DZIP3: variants seen among roughly 807,000 people sequenced by gnomAD.
DZIP3 encodes the protein DAZ interacting zinc finger protein 3, also known as E3 ubiquitin-protein ligase DZIP3.
In DZIP3, 118 loss-of-function variants were observed where a neutral mutation model predicts 162.0. That is an observed-to-expected ratio of 0.73 (90% CI 0.63 to 0.85). DZIP3 has a LOEUF of 0.85. Among genes scored for constraint, DZIP3 ranks in the 40% least tolerant of loss-of-function variants. The probability of loss-of-function intolerance (pLI) is 0.00; values close to 1 mark genes in which losing one functional copy is unlikely to be tolerated. For synonymous variants in DZIP3, 438 were observed against 458.6 expected (o/e 0.96, Z 0.57); for missense variants, 1,331 against 1,407.0 (o/e 0.95, Z 0.86).
intron 18 of DZIP3, among the ~76,000 whole-genome samples, chr3:108,653,255 G>A (rs1942943451): frequency 6.6e-6 from 1 of 151,328 alleles, no homozygotes; most frequent in Non-Finnish European, 1.5e-5. Flanking sequence ...TATTCCACAA[G>A]CATTAATTTC....
chr3:108,679,155 T>G (rs1944214821), intron 26 of DZIP3, among the ~76,000 whole-genome samples: 6 of 152,136 alleles, frequency 3.9e-5, no homozygotes, highest in Admixed American at 3.9e-4. Flanking sequence ...TCTGCCCACA[T>G]TCAAAATACT....
rs183825857 is a variant in DZIP3, at chr3:108,665,736, A to T, written c.2423+3479A>T. Among the ~76,000 whole-genome samples, 26 of 152,318 alleles carry T rather than the reference A, an allele frequency of 1.7e-4. No individual in the cohort carries two copies. In the East Asian group the frequency reaches 4.8e-3, roughly 28 times the overall value. ...CAGGCAGAGAAAAACATTACTTATG[A>T]GAACAGTAATTTGAATGACAACAGA... On this transcript the variant is annotated intron_variant, in intron 21 of 32. Coordinates refer to ENST00000361582, the MANE Select transcript of DZIP3 (RefSeq NM_014648.4).
chr3:108,690,798 A>G lies in DZIP3; in HGVS notation c.3528A>G (p.Pro1176=), dbSNP rs757069206. 9.3e-6 allele frequency: 15 copies of G among 1,613,908 alleles called. No individual in the cohort carries two copies. The highest frequency in any genetic ancestry group is 1.7e-5 in the Admixed American group (1 of 60,000). The change falls in exon 32 of 33, where the codon CCA becomes CCG. Residue 1176 remains proline, a synonymous_variant. Transcript: ENST00000361582. ...AHKFHAQCIR[P]WLMQQGTCPT... is the part of the protein sequence containing the mutation. Reference sequence around the variant, plus strand: ...TTTTTGCTCCTTAGTGCATTAGACCATGGTTGATGCAACAGGGGACATGTC... The same window carrying G: ...TTTTTGCTCCTTAGTGCATTAGACCGTGGTTGATGCAACAGGGGACATGTC...
intron 11 of DZIP3, among the ~76,000 whole-genome samples, chr3:108,637,210 A>T (rs561606468): frequency 6.6e-6 from 1 of 152,160 alleles, no homozygotes; most frequent in East Asian, 1.9e-4. Context: ...TTATGACTAG[A>T]AATGTATCTT....
At chr3:108,654,394 A>T (rs530598822) in intron 19 of DZIP3, 84 bp downstream of exon 19, 30 of 1,447,768 alleles carry the variant, frequency 2.1e-5, no homozygotes, top group South Asian at 4.6e-5. Context: ...TCACCCTTTG[A>T]AAAGCCCAGT....
chr3:108,673,314 T>C (rs2107357198), intron 23 of DZIP3, among the ~76,000 whole-genome samples: 1 of 152,072 alleles, frequency 6.6e-6, no homozygotes, highest in South Asian at 2.1e-4. Flanking sequence ...AACCAAGAAG[T>C]AGTATCTGAA....
intron 3 of DZIP3, among the ~76,000 whole-genome samples, chr3:108,609,946 A>G (rs1940604985): frequency 6.6e-6 from 1 of 152,212 alleles, no homozygotes; most frequent in Non-Finnish European, 1.5e-5. Context: ...AGTACTTTTG[A>G]GTAGAATTGA....
chr3:108,655,858 C>A (rs1050329460), intron 19 of DZIP3, among the ~76,000 whole-genome samples: 11 of 152,226 alleles, frequency 7.2e-5, no homozygotes, highest in Admixed American at 5.2e-4. Context: ...TATCCCATGC[C>A]TGGCTTGGAG....
chr3:108,684,266 C>T lies in DZIP3; in HGVS notation c.2934C>T (p.Pro978=). The change falls in exon 27 of 33, where the codon CCC becomes CCT. Residue 978 remains proline, a synonymous_variant. Coordinates refer to ENST00000361582, the MANE Select transcript of DZIP3 (RefSeq NM_014648.4). ...TTGTGAAAGAATCTTTCTTTAGACC[C>T]ATACTTACTGTTCCTCAAATGCCTG... ...RPLVKESFFR[P]ILTVPQMPAV... 1 of 1,613,326 alleles carries T rather than the reference C, an allele frequency of 6.2e-7. No individual in the cohort carries two copies. Among genetic ancestry groups the T allele is most frequent in the East Asian group, 2.2e-5 (1 of 44,826 alleles).
chr3:108,618,578 G>A (rs1223153903), intron 5 of DZIP3, among the ~76,000 whole-genome samples: 1 of 152,076 alleles, frequency 6.6e-6, no homozygotes, highest in Non-Finnish European at 1.5e-5. Context: ...TTTAAGGTGG[G>A]AACCACTTAG....
At chr3:108,654,399 C>G in intron 19 of DZIP3, 89 bp downstream of exon 19, 3 of 1,412,994 alleles carry the variant, frequency 2.1e-6, no homozygotes, top group Non-Finnish European at 3.0e-6. Flanking sequence ...CTTTGAAAAG[C>G]CCAGTGGTTT....
At chr3:108,615,922 T>G (rs1186942079) in intron 4 of DZIP3, among the ~76,000 whole-genome samples, 1 of 152,048 alleles carries the variant, frequency 6.6e-6, no homozygotes, top group African/African-American at 2.4e-5. Context: ...CTGAAGTAGG[T>G]GTGGATGTTG....
intron 7 of DZIP3, 36 bp downstream of exon 7, chr3:108,626,005 G>C: frequency 6.2e-7 from 1 of 1,600,208 alleles, no homozygotes; most frequent in Non-Finnish European, 8.5e-7. Flanking sequence ...TGTTGCCTGT[G>C]AAGTCTCAGC....
intron 1 of DZIP3, among the ~76,000 whole-genome samples, chr3:108,591,778 C>G (rs756164329): frequency 6.6e-5 from 10 of 152,150 alleles, no homozygotes; most frequent in Admixed American, 1.3e-4. Context: ...GCAGGAGGAC[C>G]TTGAACCCAG....
chr3:108,617,745 T>G (rs1460553724), intron 5 of DZIP3, among the ~76,000 whole-genome samples: 1 of 152,038 alleles, frequency 6.6e-6, no homozygotes, highest in African/African-American at 2.4e-5. Flanking sequence ...ACAAAGAAAA[T>G]GGGGGATTTG....
chr3:108,674,914 G>C (rs1944049231), intron 24 of DZIP3, among the ~76,000 whole-genome samples: 2 of 151,978 alleles, frequency 1.3e-5, no homozygotes, highest in African/African-American at 4.8e-5. Flanking sequence ...TTTGATGTTA[G>C]CTAGATTATC....
At position 108,636,592 on chromosome 3, in the gene DZIP3, A is replaced by T. The variant is rs4855568; in HGVS notation, c.919-24A>T. 33 of 1,445,368 alleles carry T rather than the reference A, an allele frequency of 2.3e-5. No individual in the cohort carries two copies. In the African/African-American group the frequency reaches 3.9e-4, roughly 17 times the overall value. 89.5% of individuals were successfully genotyped at this position (1,445,368 alleles called of 1,614,324 possible). A position where few individuals can be genotyped will look rare whatever the true frequency, so the allele number is the denominator to read the frequency against. ...ACATCAGTGATTTTTTTCTATTTTT[A>T]TTTTTTTCTATTAATAAATTTAGAG... On this transcript the variant is annotated intron_variant, in intron 10 of 32. Coordinates refer to ENST00000361582, the MANE Select transcript of DZIP3 (RefSeq NM_014648.4).
At chr3:108,692,191 TATA>T (rs1196148824) in intron 32 of DZIP3, among the ~76,000 whole-genome samples, 1 of 152,076 alleles carries the variant, frequency 6.6e-6, no homozygotes, top group African/African-American at 2.4e-5. Context: ...TGATTATAAT[TATA>T]ATGTGAATTG....
intron 26 of DZIP3, among the ~76,000 whole-genome samples, chr3:108,681,803 C>G (rs1443868812): frequency 6.9e-6 from 1 of 145,710 alleles, no homozygotes; most frequent in Non-Finnish European, 1.5e-5. Flanking sequence ...AGTTAGAAGT[C>G]ACCACTCTCA....
Sources: allele counts gnomAD v4.1 joint callset (sites outside exome capture counted in the v4.1 genomes callset), GRCh38; gene constraint gnomAD v4.1.1; transcripts MANE v1.5; gene names NCBI Gene and HGNC (gene_info 2026-07-23, HGNC 2026-07-21).